The following TPM1 variants were observed in gnomAD, a reference collection of about 807,000 sequenced individuals.
The protein encoded by TPM1 is tropomyosin alpha-1 chain.
In TPM1, 24 loss-of-function variants were observed where a neutral mutation model predicts 42.9. The observed-to-expected ratio is 0.56, with a 90% confidence interval of 0.41 to 0.79. The LOEUF is 0.79. TPM1 is among the 30% of genes least tolerant of loss of function. The probability of loss-of-function intolerance (pLI) is 0.00; values close to 1 mark genes in which losing one functional copy is unlikely to be tolerated. For synonymous variants in TPM1, 136 were observed against 130.1 expected (o/e 1.05, Z -0.31); for missense variants, 158 against 351.8 (o/e 0.45, Z 4.41).
chr15:63,063,883 A>T, intron 8 of TPM1, 181 bp from the exon 9 acceptor site: 4 of 723,674 alleles, frequency 5.5e-6, no homozygotes, highest in Non-Finnish European at 6.5e-6. Context: ...TTTTGTTTCA[A>T]TTTACTTAAA....
At position 63,048,911 on chromosome 15, in the gene TPM1, C is replaced by G. The variant is rs779611467; in HGVS notation, c.240+4759C>G. 3 of 703,472 alleles carry G rather than the reference C, an allele frequency of 4.3e-6. No homozygotes were observed. In the South Asian group the frequency reaches 4.7e-5, roughly 11 times the overall value. 43.6% of individuals were successfully genotyped at this position (703,472 alleles called of 1,614,324 possible). ...TCCTGAGCCTTTGTTTTCCATCTCG[C>G]TGATCCAAAGTAAACGCTCCCAGGG... On this transcript the variant is annotated intron_variant, in intron 2 of 9. Transcript: ENST00000403994.
At chr15:63,062,995 A>C in intron 8 of TPM1, 1 of 1,374,782 alleles carries the variant, frequency 7.3e-7, no homozygotes, top group East Asian at 2.7e-5. Flanking sequence ...TTAAATTGGG[A>C]ATGATGTGGT....
chr15:63,061,899 T>G, intron 6 of TPM1, 111 bp downstream of exon 6: 1 of 980,850 alleles, frequency 1.0e-6, no homozygotes, highest in South Asian at 1.4e-5. Context: ...GGCAATATTG[T>G]GAGGTGATTT....
chr15:63,048,949 G>A (rs753590061), intron 2 of TPM1: 27 of 589,052 alleles, frequency 4.6e-5, no homozygotes, highest in Admixed American at 3.9e-4. Flanking sequence ...AACGGGTGGT[G>A]TTGAGAAGGT....
intron 1 of TPM1, chr15:63,043,186 G>A: frequency 5.4e-6 from 3 of 557,788 alleles, no homozygotes; most frequent in Middle Eastern, 4.7e-4. Flanking sequence ...GCGAAATCAA[G>A]TCCTAGAGGC....
intron 5 of TPM1, 96 bp downstream of exon 5, chr15:63,061,035 G>A: frequency 2.6e-6 from 4 of 1,524,324 alleles, no homozygotes; most frequent in Non-Finnish European, 3.6e-6. Context: ...ACCTGTTTCA[G>A]CTCCGGGCTC....
In TPM1 at chr15:63,060,485, G is replaced by T. The variant is rs375572955; in HGVS notation, c.493-384G>T. ...GCACAGATCAGCCATCAAATTGATGGAGTTCTTAGGTTTACTTTGTTTTCC... is the reference window on the plus strand; with the variant it reads ...GCACAGATCAGCCATCAAATTGATGTAGTTCTTAGGTTTACTTTGTTTTCC... On this transcript the variant is annotated intron_variant, in intron 4 of 9. Transcript: ENST00000403994. Among the ~76,000 whole-genome samples the T allele has an allele frequency of 8.5e-4, 130 of 152,322 alleles. 1 individual carries two copies. Among genetic ancestry groups the T allele is most frequent in the South Asian group, 3.1e-3 (15 of 4,824 alleles).
chr15:63,064,957 A>T, intron 9 of TPM1: 1 of 969,104 alleles, frequency 1.0e-6, no homozygotes, highest in South Asian at 4.8e-5. Context: ...ACAGAGCGAG[A>T]CTCTGTCTCA....
chr15:63,070,578 A>T, downstream of TPM1: 1 of 1,009,332 alleles, frequency 9.9e-7, no homozygotes, highest in South Asian at 4.1e-5. Flanking sequence ...GTGTGCATGA[A>T]ACATGTTGAC....
chr15:63,069,922 G>T (rs1350373785), downstream of TPM1: 2 of 1,614,118 alleles, frequency 1.2e-6, no homozygotes, highest in Non-Finnish European at 1.7e-6. Flanking sequence ...ATGAACTAAA[G>T]CTGGCCCTGA....
At chr15:63,056,687 CAAAAA>C in intron 2 of TPM1, 2 of 283,038 alleles carry the variant, frequency 7.1e-6, no homozygotes, top group Non-Finnish European at 1.3e-5. Flanking sequence ...CAAAACAAAA[CAAAAA>C]AATCTACGGA....
At chr15:63,063,855 G>T in intron 8 of TPM1, 4 of 568,560 alleles carry the variant, frequency 7.0e-6, no homozygotes, top group Non-Finnish European at 9.0e-6. Flanking sequence ...ATTTTCTAAT[G>T]GGTTTTGTTC....
intron 3 of TPM1, among the ~76,000 whole-genome samples, chr15:63,058,099 C>T (rs906748078): frequency 1.3e-5 from 2 of 152,144 alleles, no homozygotes; most frequent in African/African-American, 2.4e-5. Context: ...CATTATTCAC[C>T]GCTGCTTAGT....
At chr15:63,057,417 GA>G (rs2034979862) in intron 3 of TPM1, among the ~76,000 whole-genome samples, 1 of 152,194 alleles carries the variant, frequency 6.6e-6, no homozygotes, top group Admixed American at 6.5e-5. Flanking sequence ...AAATGTCAGG[GA>G]TACAAGTTGG....
chr15:63,047,210 G>A (rs1375402272), intron 2 of TPM1: 1 of 152,322 alleles, frequency 6.6e-6, no homozygotes. Flanking sequence ...CCCAAGCTGG[G>A]ATTTGTGAGA....
chr15:63,061,544 G>T (rs780199538), intron 5 of TPM1, 169 bp from the exon 6 acceptor site: 1 of 760,426 alleles, frequency 1.3e-6, no homozygotes, highest in Admixed American at 2.0e-5. Flanking sequence ...AGGTTGGGGG[G>T]CAGTGTTCCT....
At chr15:63,048,485 G>GGGCAGCCAGGACAGCCGC in intron 2 of TPM1, 3 of 1,432,428 alleles carry the variant, frequency 2.1e-6, no homozygotes, top group Non-Finnish European at 2.7e-6. Flanking sequence ...GACCGGCGCT[G>GGGCAGCCAGGACAGCCGC]GGCAGCCAGG....
chr15:63,062,347 C>A, intron 7 of TPM1, 70 bp downstream of exon 7: 1 of 1,501,446 alleles, frequency 6.7e-7, no homozygotes, highest in South Asian at 1.1e-5. Context: ...CCGGTCAGGG[C>A]CTTTTCATTT....
intron 2 of TPM1, among the ~76,000 whole-genome samples, chr15:63,049,749 A>G (rs2033440289): frequency 6.6e-6 from 1 of 152,238 alleles, no homozygotes. Context: ...AGGAAAGCTC[A>G]ACTAGAGAAA....
Sources: gnomAD v4.1 joint callset for allele counts (sites outside exome capture counted in the v4.1 genomes callset) on GRCh38, gnomAD v4.1.1 for gene constraint, MANE v1.5 for transcripts, NCBI Gene and HGNC (gene_info 2026-07-23, HGNC 2026-07-21) for gene names.